Variants in CTNNBL1 observed in about 807,000 individuals in gnomAD.
The protein encoded by CTNNBL1 is beta-catenin-like protein 1.
A neutral mutation model predicts 72.7 loss-of-function variants in CTNNBL1; 31 were observed. The ratio of observed to expected loss-of-function variants is 0.43; its 90% CI spans 0.32 to 0.58. CTNNBL1 has a LOEUF of 0.58. Ranked by LOEUF, CTNNBL1 falls within the 20% of genes least tolerant of loss-of-function variation. CTNNBL1 has a pLI of 0.08. For missense variants in CTNNBL1, 534 were observed against 725.1 expected, an observed-to-expected ratio of 0.74 and a Z score of 3.03; for synonymous variants, 240 against 267.3, an observed-to-expected ratio of 0.90 and a Z score of 1.00.
intron 5 of CTNNBL1, among the ~76,000 whole-genome samples, chr20:37,764,699 G>C (rs1288134470): frequency 6.6e-6 from 1 of 152,204 alleles, no homozygotes; most frequent in East Asian, 1.9e-4. Context: ...TTTCATAAAA[G>C]CTTAGCAAGG....
At chr20:37,710,169 G>T (rs781766279) in intron 1 of CTNNBL1, among the ~76,000 whole-genome samples, 12 of 152,212 alleles carry the variant, frequency 7.9e-5, no homozygotes, top group Non-Finnish European at 2.9e-5. Context: ...GCATCATTAT[G>T]AATACATGTT....
chr20:37,723,139 T>G (rs1178189694), intron 1 of CTNNBL1, among the ~76,000 whole-genome samples: 1 of 152,228 alleles, frequency 6.6e-6, no homozygotes, highest in East Asian at 1.9e-4. Flanking sequence ...AAGTATAGTT[T>G]GTACTTCTAA....
chr20:37,823,799 G>A (rs370738547), intron 11 of CTNNBL1, among the ~76,000 whole-genome samples: 1 of 152,192 alleles, frequency 6.6e-6, no homozygotes, highest in Non-Finnish European at 1.5e-5. Context: ...GAAGAACAAA[G>A]ACATTGCTGA....
Position 37,779,338 on chromosome 20 carries a change from A to G in CTNNBL1, c.1031+3A>G, listed in dbSNP as rs768487516. On this transcript the variant is annotated splice_donor_region_variant and intron_variant, in intron 10 of 15. Transcript: ENST00000361383. The stretch of plus-strand genomic sequence containing the variant: ...CAGCTGATGAATCTCATGCTCAGGT[A>G]TGTTTCGAATGCCCTAGTTCTCCCA... 15 of 1,612,914 alleles carry G rather than the reference A, an allele frequency of 9.3e-6. No homozygotes were observed. Among genetic ancestry groups the G allele is most frequent in the Non-Finnish European group, 1.2e-5 (14 of 1,179,216 alleles).
At chr20:37,696,324 A>G (rs2072790916) in intron 1 of CTNNBL1, among the ~76,000 whole-genome samples, 1 of 152,192 alleles carries the variant, frequency 6.6e-6, no homozygotes. Flanking sequence ...GCCACTAGGC[A>G]CATGTGATTA....
chr20:37,833,008 T>C (rs956164878), intron 11 of CTNNBL1, among the ~76,000 whole-genome samples: 1 of 152,148 alleles, frequency 6.6e-6, no homozygotes, highest in Non-Finnish European at 1.5e-5. Flanking sequence ...ATGTTACATT[T>C]GTGTATGTGT....
intron 11 of CTNNBL1, among the ~76,000 whole-genome samples, chr20:37,810,126 G>A (rs1171081956): frequency 6.6e-6 from 1 of 152,070 alleles, no homozygotes; most frequent in Non-Finnish European, 1.5e-5. Flanking sequence ...GGGTATCTTA[G>A]TCCATTTTGT....
chr20:37,770,846 A>C (rs2073516119), intron 7 of CTNNBL1, among the ~76,000 whole-genome samples: 4 of 152,242 alleles, frequency 2.6e-5, no homozygotes, highest in Non-Finnish European at 5.9e-5. Flanking sequence ...CCCAGGCTTA[A>C]TTAATTCTTT....
chr20:37,796,921 CT>C (rs1269676952), intron 10 of CTNNBL1, among the ~76,000 whole-genome samples: 8 of 152,200 alleles, frequency 5.3e-5, no homozygotes, highest in African/African-American at 1.9e-4. Context: ...GGTTTATTGG[CT>C]GTGCACAGTC....
intron 15 of CTNNBL1, among the ~76,000 whole-genome samples, chr20:37,861,666 A>G (rs530002986): frequency 6.6e-6 from 1 of 152,236 alleles, no homozygotes; most frequent in Non-Finnish European, 1.5e-5. Context: ...AAGCACGGTT[A>G]AGAGCGTGGG....
intron 1 of CTNNBL1, among the ~76,000 whole-genome samples, chr20:37,694,654 C>T (rs1024692112): frequency 1.3e-5 from 2 of 152,142 alleles, no homozygotes; most frequent in African/African-American, 4.8e-5. Flanking sequence ...GAGGACTGTA[C>T]CAACTGATAT....
chr20:37,783,567 T>A (rs1289225692), intron 10 of CTNNBL1, among the ~76,000 whole-genome samples: 1 of 152,218 alleles, frequency 6.6e-6, no homozygotes, highest in East Asian at 1.9e-4. Context: ...GTGTTTCCAT[T>A]TTCATTTGCT....
chr20:37,707,979 C>G (rs541404910), intron 1 of CTNNBL1, among the ~76,000 whole-genome samples: 2 of 152,224 alleles, frequency 1.3e-5, no homozygotes, highest in Admixed American at 1.3e-4. Context: ...GCACTCAGAA[C>G]ACACACATTT....
intron 10 of CTNNBL1, among the ~76,000 whole-genome samples, chr20:37,787,345 T>TG (rs1289314215): frequency 1.4e-5 from 2 of 143,784 alleles, no homozygotes; most frequent in African/African-American, 5.2e-5. Context: ...AACTGTGTGT[T>TG]TTTTTTTTTT....
intron 5 of CTNNBL1, among the ~76,000 whole-genome samples, chr20:37,757,953 C>T (rs996043884): frequency 1.3e-5 from 2 of 152,194 alleles, no homozygotes; most frequent in African/African-American, 4.8e-5. Flanking sequence ...TTTCCATTTA[C>T]AGCCATGAAG....
At chr20:37,813,798 C>A (rs1162590438) in intron 11 of CTNNBL1, among the ~76,000 whole-genome samples, 1 of 152,132 alleles carries the variant, frequency 6.6e-6, no homozygotes, top group East Asian at 1.9e-4. Flanking sequence ...GAGAAATAGC[C>A]AGACTCCTTT....
intron 11 of CTNNBL1, among the ~76,000 whole-genome samples, chr20:37,805,551 C>T (rs575662024): frequency 1.3e-5 from 2 of 152,036 alleles, no homozygotes; most frequent in African/African-American, 4.8e-5. Context: ...CGCCCACCAC[C>T]ACACCCAGCT....
chr20:37,708,285 C>T (rs769474567), intron 1 of CTNNBL1, among the ~76,000 whole-genome samples: 11 of 151,528 alleles, frequency 7.3e-5, no homozygotes, highest in East Asian at 1.9e-4. Context: ...CTCATGGGCT[C>T]GAGCAATCCC....
intron 1 of CTNNBL1, among the ~76,000 whole-genome samples, chr20:37,718,566 A>G (rs1367356390): frequency 1.7e-5 from 2 of 119,872 alleles, no homozygotes; most frequent in African/African-American, 3.3e-5. Flanking sequence ...CCTCCCCGAC[A>G]GGGCGGATGG....
Sources: gnomAD v4.1 joint callset for allele counts (sites outside exome capture counted in the v4.1 genomes callset) on GRCh38, gnomAD v4.1.1 for gene constraint, MANE v1.5 for transcripts, NCBI Gene and HGNC (gene_info 2026-07-23, HGNC 2026-07-21) for gene names.